The following F2RL2 variants were observed in gnomAD, a reference collection of about 807,000 sequenced individuals.
F2RL2 encodes coagulation factor II thrombin receptor like 2.
A neutral mutation model predicts 4.3 loss-of-function variants in F2RL2; 4 were observed. That is an observed-to-expected ratio of 0.93 (90% CI 0.46 to 2.12). The LOEUF (loss-of-function observed/expected upper bound fraction) is 2.12. Ranked by LOEUF, F2RL2 falls within the 30% of genes most tolerant of loss-of-function variation. F2RL2 has a pLI of 0.02. For missense variants in F2RL2, 408 were observed against 449.3 expected (o/e 0.91, Z 0.83); for synonymous variants, 166 against 170.9 (o/e 0.97, Z 0.22).
intron 1 of F2RL2, 100 bp downstream of exon 1, chr5:76,623,067 T>C: frequency 9.4e-7 from 1 of 1,060,668 alleles, no homozygotes. Context: ...CCTTTGGGGT[T>C]TACAGTTTGT....
At position 76,616,413 on chromosome 5, in the gene F2RL2, GGC is replaced by G. The variant is rs1189606090; in HGVS notation, c.*1167_*1168del. The G allele has an allele frequency of 9.8e-5, 15 of 152,654 alleles. 1 individual carries two copies. Among genetic ancestry groups the G allele is most frequent in the Admixed American group, 3.3e-4 (5 of 15,280 alleles). 9.5% of individuals were successfully genotyped at this position (152,654 alleles called of 1,614,324 possible). A position where few individuals can be genotyped will look rare whatever the true frequency, so the allele number is the denominator to read the frequency against. ...ATTAGCAAGTTAGCCTTGAATGCCA[GGC>G]TAAAGATTTATGATTTATTATAGAA... On this transcript the variant is annotated 3_prime_UTR_variant, in exon 2 of 2. Coordinates refer to ENST00000296641, the MANE Select transcript of F2RL2 (RefSeq NM_004101.4).
At position 76,618,586 on chromosome 5, in the gene F2RL2, G is replaced by A. The variant is rs202236954; in HGVS notation, c.121C>T (p.Arg41Cys). The A allele has an allele frequency of 5.4e-5, 87 of 1,613,934 alleles. No homozygotes were observed. Among genetic ancestry groups the A allele is most frequent in the Admixed American group, 6.7e-5 (4 of 60,004 alleles). The change falls in exon 2 of 2, where the codon CGT becomes TGT. Residue 41 changes from arginine to cysteine, a missense_variant. By Grantham distance (180) the Arg-to-Cys change is radical. Transcript: ENST00000296641. The part of the protein sequence containing the change: ...AKPTLPIKTF[R>C]GAPPNSFEEF... Reference sequence around the variant, plus strand: ...TCAAAAGAATTTGGGGGAGCTCCACGAAAGGTCTTAATGGGTAAGGTTGGC... The same window carrying A: ...TCAAAAGAATTTGGGGGAGCTCCACAAAAGGTCTTAATGGGTAAGGTTGGC...
At chr5:76,623,076 G>A in intron 1 of F2RL2, 91 bp downstream of exon 1, 1 of 1,169,212 alleles carries the variant, frequency 8.6e-7, no homozygotes, top group Non-Finnish European at 1.3e-6. Flanking sequence ...TTTACAGTTT[G>A]TGTGAGATGC....
Position 76,623,075 on chromosome 5 carries a change from T to C in F2RL2, c.64+92A>G, listed in dbSNP as rs983034983. On this transcript the variant is annotated intron_variant, in intron 1 of 1. Transcript: ENST00000296641. ...CAAACTGCCTTTGGGGTTTACAGTT[T>C]GTGTGAGATGCAAAGAAACCTAGGT... 6.0e-6 allele frequency: 7 copies of C among 1,157,866 alleles called. No individual in the cohort carries two copies. In the East Asian group the frequency reaches 1.6e-4, roughly 27 times the overall value. The allele number at this position is 1,157,866 out of a possible 1,614,324, so 71.7% of individuals were successfully genotyped here. A position where few individuals can be genotyped will look rare whatever the true frequency, so the allele number is the denominator to read the frequency against.
intron 1 of F2RL2, 145 bp from the exon 2 acceptor site, chr5:76,618,787 G>A: frequency 2.7e-6 from 2 of 734,114 alleles, no homozygotes; most frequent in Non-Finnish European, 4.3e-6. Flanking sequence ...CAGTCAACAA[G>A]CATATATTTA....
At chr5:76,622,265 G>A (rs184983502) in intron 1 of F2RL2, among the ~76,000 whole-genome samples, 2 of 152,096 alleles carry the variant, frequency 1.3e-5, no homozygotes, top group South Asian at 2.1e-4. Flanking sequence ...CAACATATTG[G>A]CCCATCTACT....
chr5:76,619,577 C>A (rs1240434104), intron 1 of F2RL2, among the ~76,000 whole-genome samples: 10 of 144,462 alleles, frequency 6.9e-5, no homozygotes, highest in Middle Eastern at 4.0e-3. Flanking sequence ...AGTGCAGTGG[C>A]ACGATCTCAG....
At position 76,618,074 on chromosome 5, in the gene F2RL2, C is replaced by T. The variant is rs751488394; in HGVS notation, c.633G>A (p.Leu211=). The T allele has an allele frequency of 3.1e-6, 5 of 1,614,096 alleles. No homozygotes were observed. In the South Asian group the frequency reaches 3.3e-5, roughly 11 times the overall value. ...TTGCCCACACCAGTCCACATGTTAC[C>T]AAGGCATAGGTGTGCTTGGGCAGGC... ...YRGLPKHTYA[L]VTCGLVWATV... Residue 211 remains leucine (L), a synonymous_variant, in exon 2 of 2, where the codon TTG becomes TTA. Coordinates refer to ENST00000296641, the MANE Select transcript of F2RL2 (RefSeq NM_004101.4).
Position 76,617,610 on chromosome 5 carries a change from T to C in F2RL2, c.1097A>G (p.Asn366Ser). Residue 366 changes from asparagine to serine, a missense_variant, in exon 2 of 2, where the codon AAT becomes AGT. Physicochemically the swap from Asn to Ser is conservative, Grantham distance 46. Coordinates refer to ENST00000296641, the MANE Select transcript of F2RL2 (RefSeq NM_004101.4). ...TTTTGTAAGGTAAGCAGTGGAGTGA[T>C]TTCTGGTTTTTGACATGAGAAAATA... ...FLYFLMSKTR[N>S]HSTAYLTK 1 of 1,613,404 alleles carries C rather than the reference T, an allele frequency of 6.2e-7. No homozygotes were observed. Among genetic ancestry groups the C allele is most frequent in the South Asian group, 1.1e-5 (1 of 91,022 alleles).
At position 76,615,801 on chromosome 5, in the gene F2RL2, C is replaced by A. The variant is rs116836657; in HGVS notation, c.*1781G>T. The A allele has an allele frequency of 0.016, 2,362 of 152,364 alleles. 28 individuals are homozygous for A. The highest frequency in any genetic ancestry group is 0.076 in the South Asian group (364 of 4,796). The allele number at this position is 152,364 out of a possible 1,614,324, so 9.4% of individuals were successfully genotyped here. A position where few individuals can be genotyped will look rare whatever the true frequency, so the allele number is the denominator to read the frequency against. On this transcript the variant is annotated 3_prime_UTR_variant, in exon 2 of 2. Transcript: ENST00000296641. ...TCCATTTCCCCATTAAAAGCTATGT[C>A]TAAGAAAAAAAATAGTGGAGGCATT...
rs1393934445 is a variant in F2RL2, at chr5:76,618,033, A to G, written c.674T>C (p.Met225Thr). ...GLVWATVFLY[M>T]LPFFILKQEY... Reference sequence around the variant, plus strand: ...CTGCTTCAGTATGAAAAATGGCAGCATATATAAGAAAACTGTTGCCCACAC... The same window carrying G: ...CTGCTTCAGTATGAAAAATGGCAGCGTATATAAGAAAACTGTTGCCCACAC... Residue 225 changes from methionine (M) to threonine (T), a missense_variant, in exon 2 of 2, where the codon ATG (methionine) becomes ACG (threonine). Transcript: ENST00000296641. 1 of 1,614,030 alleles carries G rather than the reference A, an allele frequency of 6.2e-7. No homozygotes were observed. The highest frequency in any genetic ancestry group is 8.5e-7 in the Non-Finnish European group (1 of 1,180,026).
chr5:76,623,178 A>G lies in F2RL2; in HGVS notation c.53T>C (p.Phe18Ser), dbSNP rs1292394774. The G allele has an allele frequency of 6.2e-7, 1 of 1,614,088 alleles. No homozygotes were observed. The highest frequency in any genetic ancestry group is 8.5e-7 in the Non-Finnish European group (1 of 1,180,032). ...AAGLLLLLPT[F>S]CQSGMENDTN... Reference sequence around the variant, plus strand: ...AGAAAATTGCTTACCACTCTGACAAAAAGTGGGCAACAGAAGCAGGAGGCC... The same window carrying G: ...AGAAAATTGCTTACCACTCTGACAAGAAGTGGGCAACAGAAGCAGGAGGCC... The change falls in exon 1 of 2, where the codon TTT becomes TCT. Residue 18 changes from phenylalanine to serine, a missense_variant. Transcript: ENST00000296641.
rs1446930419 is a variant in F2RL2 at position 76,617,025 on chromosome 5, T to C, written c.*557A>G. On this transcript the variant is annotated 3_prime_UTR_variant, in exon 2 of 2. Transcript: ENST00000296641. Reference sequence around the variant, plus strand: ...AGGATGGCAATACCACTCACAGAAATAGGGAAGATGGTGATTTAAAGAGCT... The same window carrying C: ...AGGATGGCAATACCACTCACAGAAACAGGGAAGATGGTGATTTAAAGAGCT... The C allele has an allele frequency of 6.6e-6, 1 of 152,652 alleles. No individual in the cohort carries two copies. The highest frequency in any genetic ancestry group is 1.5e-5 in the Non-Finnish European group (1 of 68,460). 9.5% of individuals were successfully genotyped at this position (152,652 alleles called of 1,614,324 possible).
At position 76,617,727 on chromosome 5, in the gene F2RL2, T is replaced by A. The variant is rs202042154; in HGVS notation, c.980A>T (p.Asn327Ile). 6.2e-7 allele frequency: 1 copy of A among 1,614,042 alleles called. No homozygotes were observed. The highest frequency in any genetic ancestry group is 2.2e-5 in the East Asian group (1 of 44,862). The change falls in exon 2 of 2, where the codon AAC becomes ATC. Residue 327 changes from asparagine to isoleucine, a missense_variant. Transcript: ENST00000296641. The stretch of plus-strand genomic sequence containing the variant: ...GCCATCAGTGTTGTTGTAGTAGTAG[T>A]TAGCATGGTGAATAATAAGAATAAT... ...SNIILIIHHANYYYNNTDGLY... is the reference protein window; with the variant it reads ...SNIILIIHHAIYYYNNTDGLY...
Position 76,622,167 on chromosome 5 carries a change from AG to A in F2RL2, c.64+999del, listed in dbSNP as rs2069654. 9.9e-3 allele frequency among the ~76,000 whole-genome samples: 1,503 copies of A among 152,072 alleles called. 20 individuals are homozygous for A. Among genetic ancestry groups the A allele is most frequent in the African/African-American group, 0.034 (1,426 of 41,468 alleles). On this transcript the variant is annotated intron_variant, in intron 1 of 1. Coordinates refer to ENST00000296641, the MANE Select transcript of F2RL2 (RefSeq NM_004101.4). ...TTCACTGCCTCTTTGTTTCCTTCAG[AG>A]GCCCCCGTTTTCACCTCCATCAAAC...
Position 76,617,565 on chromosome 5 carries a change from T to C in F2RL2, c.*17A>G. ...CGTTCTCTGTGATGGCTGTCCTTGT[T>C]CTCTAAGATCATTTCACTATTTTGT... On this transcript the variant is annotated 3_prime_UTR_variant, in exon 2 of 2. Coordinates refer to ENST00000296641, the MANE Select transcript of F2RL2 (RefSeq NM_004101.4). 2 of 1,583,146 alleles carry C rather than the reference T, an allele frequency of 1.3e-6. No individual in the cohort carries two copies. Among genetic ancestry groups the C allele is most frequent in the Non-Finnish European group, 1.7e-6 (2 of 1,162,086 alleles).
chr5:76,620,234 T>C (rs1749503178), intron 1 of F2RL2, among the ~76,000 whole-genome samples: 1 of 152,064 alleles, frequency 6.6e-6, no homozygotes, highest in Non-Finnish European at 1.5e-5. Flanking sequence ...AGGTAAGAAA[T>C]TACAGGCAAG....
intron 1 of F2RL2, among the ~76,000 whole-genome samples, chr5:76,621,036 A>T (rs1360947834): frequency 6.6e-6 from 1 of 152,230 alleles, no homozygotes; most frequent in Non-Finnish European, 1.5e-5. Context: ...ATAGACTTCT[A>T]TGCCAAATAT....
Position 76,618,408 on chromosome 5 carries a change from A to G in F2RL2, c.299T>C (p.Ile100Thr). ...ACCAACTACAAACACCAGGAGGTAGATGGCAGGTATCAGTTTAGTACTTAA... is the reference window on the plus strand; with the variant it reads ...ACCAACTACAAACACCAGGAGGTAGGTGGCAGGTATCAGTTTAGTACTTAA... ...SSLSTKLIPA[I>T]YLLVFVVGVP... Residue 100 changes from isoleucine (I) to threonine (T), a missense_variant, in exon 2 of 2, where the codon ATC (isoleucine) becomes ACC (threonine). Physicochemically the swap from Ile to Thr is moderately conservative, Grantham distance 89. Transcript: ENST00000296641. 2.5e-6 allele frequency: 4 copies of G among 1,614,224 alleles called. No homozygotes were observed. The highest frequency in any genetic ancestry group is 3.4e-6 in the Non-Finnish European group (4 of 1,180,028).
Sources: gnomAD v4.1 joint callset for allele counts (sites outside exome capture counted in the v4.1 genomes callset) on GRCh38, gnomAD v4.1.1 for gene constraint, MANE v1.5 for transcripts, NCBI Gene and HGNC (gene_info 2026-07-23, HGNC 2026-07-21) for gene names.